ERBB4: variants seen among roughly 807,000 people sequenced by gnomAD.
ERBB4 encodes erb-b2 receptor tyrosine kinase 4.
A neutral mutation model predicts 158.0 loss-of-function variants in ERBB4; 42 were observed. That is an observed-to-expected ratio of 0.27 (90% CI 0.21 to 0.34). ERBB4 has a LOEUF of 0.34. Among genes scored for constraint, ERBB4 ranks in the 10% least tolerant of loss-of-function variants. The probability of loss-of-function intolerance (pLI) is 1.00; values close to 1 mark genes in which losing one functional copy is unlikely to be tolerated. For synonymous variants in ERBB4, 583 were observed against 558.7 expected, an observed-to-expected ratio of 1.04 and a Z score of -0.61; for missense variants, 1,333 against 1,624.1, an observed-to-expected ratio of 0.82 and a Z score of 3.08.
intron 4 of ERBB4, among the ~76,000 whole-genome samples, chr2:211,784,161 T>C (rs1425153706): frequency 1.3e-5 from 2 of 152,238 alleles, no homozygotes; most frequent in Non-Finnish European, 2.9e-5. Flanking sequence ...TGTTTAGTAA[T>C]GTTAAGTATA....
At chr2:211,702,507 T>C (rs181468680) in intron 11 of ERBB4, among the ~76,000 whole-genome samples, 2 of 152,288 alleles carry the variant, frequency 1.3e-5, no homozygotes, top group East Asian at 3.9e-4. Flanking sequence ...ACTAAAGAAG[T>C]GTTTATAAAA....
intron 2 of ERBB4, among the ~76,000 whole-genome samples, chr2:211,981,954 G>C (rs1423580402): frequency 1.3e-5 from 2 of 152,024 alleles, no homozygotes; most frequent in Admixed American, 6.6e-5. Context: ...AATTCAGCTG[G>C]TTAGTAAGTT....
Position 211,376,714 on chromosome 2 carries a change from T to A in ERBB4, c.*6901A>T, listed in dbSNP as rs1423794472. On this transcript the variant is annotated 3_prime_UTR_variant, in exon 28 of 28. Transcript: ENST00000342788. ...CATGTATAAGATGAATGTTTGAGAG[T>A]AGATTTAAGATGACTTTTTTTGTGC... is the stretch of plus-strand genomic sequence containing the variant. 2 of 232,886 alleles carry A rather than the reference T, an allele frequency of 8.6e-6. No homozygotes were observed. The highest frequency in any genetic ancestry group is 4.4e-5 in the African/African-American group (2 of 45,266). The allele number at this position is 232,886 out of a possible 1,614,324, so 14.4% of individuals were successfully genotyped here. A position where few individuals can be genotyped will look rare whatever the true frequency, so the allele number is the denominator to read the frequency against.
intron 1 of ERBB4, among the ~76,000 whole-genome samples, chr2:212,232,687 C>T (rs1405580664): frequency 6.6e-6 from 1 of 152,088 alleles, no homozygotes; most frequent in African/African-American, 2.4e-5. Flanking sequence ...GGATTACAGG[C>T]GTGAGCCACC....
chr2:212,381,744 A>G (rs1345612556), intron 1 of ERBB4, among the ~76,000 whole-genome samples: 3 of 151,356 alleles, frequency 2.0e-5, no homozygotes, highest in Non-Finnish European at 4.4e-5. Flanking sequence ...TAACAAAAAT[A>G]AATTTATTCA....
intron 1 of ERBB4, among the ~76,000 whole-genome samples, chr2:212,206,586 G>GTTTTTTTTTTTTTTTTTTTTTTTTTTTT (rs1393759656): frequency 1.5e-5 from 1 of 66,762 alleles, no homozygotes; most frequent in Non-Finnish European, 3.3e-5. Flanking sequence ...CGTCTGTTCT[G>GTTTTTTTTTTTTTTTTTTTTTTTTTTTT]TTCTTTTTTT....
rs765690636 is a variant in ERBB4 at position 211,386,931 on chromosome 2, A to T, written c.3403T>A (p.Phe1135Ile). The T allele has an allele frequency of 6.2e-7, 1 of 1,614,078 alleles. No individual in the cohort carries two copies. Among genetic ancestry groups the T allele is most frequent in the Admixed American group, 1.7e-5 (1 of 60,008 alleles). ...CCTCGTGGGCTCCGTTCTGGGGCAA[A>T]CACGGTGGGGTCAGCACTGTACCTC... ...TQRYSADPTV[F>I]APERSPRGEL... The change falls in exon 27 of 28, where the codon TTT (phenylalanine) becomes ATT (isoleucine). Residue 1135 changes from phenylalanine (F) to isoleucine (I), a missense_variant. Coordinates refer to ENST00000342788, the MANE Select transcript of ERBB4 (RefSeq NM_005235.3).
At chr2:211,481,697 A>G (rs1306663391) in intron 20 of ERBB4, among the ~76,000 whole-genome samples, 1 of 152,114 alleles carries the variant, frequency 6.6e-6, no homozygotes, top group Non-Finnish European at 1.5e-5. Flanking sequence ...TAGTGCCTAT[A>G]GCACAATAGG....
At chr2:212,321,519 T>C (rs1306736524) in intron 1 of ERBB4, among the ~76,000 whole-genome samples, 2 of 150,526 alleles carry the variant, frequency 1.3e-5, no homozygotes, top group African/African-American at 2.4e-5. Flanking sequence ...CAAGACTTCA[T>C]CTGTATTAAA....
intron 2 of ERBB4, among the ~76,000 whole-genome samples, chr2:212,024,071 C>T (rs895192061): frequency 7.9e-5 from 12 of 151,930 alleles, no homozygotes; most frequent in Non-Finnish European, 1.6e-4. Flanking sequence ...CTCTTCCCTT[C>T]TCTCCCCTTT....
intron 1 of ERBB4, among the ~76,000 whole-genome samples, chr2:212,512,128 G>C (rs1560520946): frequency 6.6e-6 from 1 of 152,036 alleles, no homozygotes; most frequent in Non-Finnish European, 1.5e-5. Flanking sequence ...CAGGGATGGG[G>C]GACAATTGAA....
chr2:211,809,316 T>A (rs1388880546), intron 3 of ERBB4, among the ~76,000 whole-genome samples: 2 of 152,190 alleles, frequency 1.3e-5, no homozygotes, highest in Non-Finnish European at 2.9e-5. Flanking sequence ...ATCCATCTGG[T>A]CCTGGAGTTT....
intron 3 of ERBB4, among the ~76,000 whole-genome samples, chr2:211,878,652 G>GTTTTT (rs150312098): frequency 0.043 from 4,273 of 98,870 alleles, 180 homozygotes; most frequent in African/African-American, 0.068. Flanking sequence ...GACAAATTAA[G>GTTTTT]TTTTGTTTTT....
At chr2:211,741,347 T>A (rs2074788032) in intron 5 of ERBB4, among the ~76,000 whole-genome samples, 3 of 151,990 alleles carry the variant, frequency 2.0e-5, no homozygotes, top group African/African-American at 4.8e-5. Flanking sequence ...GAGTATTCAT[T>A]TTCTGATCCC....
At chr2:212,423,277 CAAAGA>C (rs911609660) in intron 1 of ERBB4, among the ~76,000 whole-genome samples, 2 of 152,026 alleles carry the variant, frequency 1.3e-5, no homozygotes, top group African/African-American at 4.8e-5. Context: ...AAACACAGCA[CAAAGA>C]AAAGCTTTGT....
chr2:211,749,922 T>G (rs186059836), intron 5 of ERBB4, among the ~76,000 whole-genome samples: 122 of 152,330 alleles, frequency 8.0e-4, no homozygotes, highest in Admixed American at 2.1e-3. Flanking sequence ...ATAGGACATT[T>G]TATTTTTCTT....
chr2:211,908,959 ATATGT>A (rs1286094277), intron 3 of ERBB4, among the ~76,000 whole-genome samples: 2 of 151,662 alleles, frequency 1.3e-5, no homozygotes, highest in South Asian at 2.1e-4. Context: ...TAAAAATTAT[ATATGT>A]TATAACTGGT....
intron 11 of ERBB4, among the ~76,000 whole-genome samples, chr2:211,703,481 A>T (rs186091030): frequency 4.6e-5 from 7 of 152,370 alleles, no homozygotes; most frequent in Admixed American, 3.3e-4. Flanking sequence ...AGACAAATTT[A>T]AAAAATTCTT....
intron 20 of ERBB4, among the ~76,000 whole-genome samples, chr2:211,455,560 A>T (rs892574484): frequency 6.6e-6 from 1 of 152,228 alleles, no homozygotes; most frequent in Non-Finnish European, 1.5e-5. Context: ...AAACCCACAT[A>T]AATCTCTCAT....
Sources: allele counts gnomAD v4.1 joint callset (sites outside exome capture counted in the v4.1 genomes callset), GRCh38; gene constraint gnomAD v4.1.1; transcripts MANE v1.5; gene names NCBI Gene and HGNC (gene_info 2026-07-23, HGNC 2026-07-21).